The following RNF13 variants were observed in gnomAD, a reference collection of about 807,000 sequenced individuals.
RNF13 encodes the protein E3 ubiquitin-protein ligase RNF13.
In RNF13, 19 loss-of-function variants were observed where a neutral mutation model predicts 37.7. The ratio of observed to expected loss-of-function variants is 0.50; its 90% CI spans 0.35 to 0.74. The LOEUF (loss-of-function observed/expected upper bound fraction) is 0.74. Ranked by LOEUF, RNF13 falls within the 30% of genes least tolerant of loss-of-function variation. The pLI is 0.01. For missense variants in RNF13, 375 were observed against 453.0 expected (o/e 0.83, Z 1.56); for synonymous variants, 144 against 157.8 (o/e 0.91, Z 0.65).
At chr3:149,882,682 C>A (rs906296683) in intron 4 of RNF13, among the ~76,000 whole-genome samples, 1 of 152,126 alleles carries the variant, frequency 6.6e-6, no homozygotes, top group Non-Finnish European at 1.5e-5. Flanking sequence ...CTTACCTTTA[C>A]TAAGTGCAGG....
chr3:149,913,169 A>G (rs1460545933), intron 7 of RNF13, among the ~76,000 whole-genome samples: 1 of 152,070 alleles, frequency 6.6e-6, no homozygotes, highest in Non-Finnish European at 1.5e-5. Flanking sequence ...AAATTTACTT[A>G]TTTAGGCCTT....
chr3:149,846,170 G>T (rs1382620034), intron 2 of RNF13, 30 bp downstream of exon 2: 1 of 1,365,750 alleles, frequency 7.3e-7, no homozygotes, highest in South Asian at 1.2e-5. Context: ...TTCATGTCTA[G>T]AAACATCCCT....
intron 4 of RNF13, among the ~76,000 whole-genome samples, chr3:149,876,487 TG>T (rs1712709251): frequency 6.6e-6 from 1 of 152,186 alleles, no homozygotes; most frequent in African/African-American, 2.4e-5. Context: ...AAAACTTAAC[TG>T]GGATACAGAT....
chr3:149,871,123 C>T (rs1197405751), intron 3 of RNF13, among the ~76,000 whole-genome samples: 1 of 149,022 alleles, frequency 6.7e-6, no homozygotes, highest in African/African-American at 2.5e-5. Flanking sequence ...CTCACTGCAA[C>T]TTCCACCTCC....
intron 8 of RNF13, among the ~76,000 whole-genome samples, chr3:149,959,122 A>ATAAG (rs1299224398): frequency 6.6e-6 from 1 of 152,230 alleles, no homozygotes; most frequent in East Asian, 1.9e-4. Flanking sequence ...TAAAAGTTTT[A>ATAAG]TAAGTTTTTA....
chr3:149,841,792 G>A (rs1440201151), intron 1 of RNF13, among the ~76,000 whole-genome samples: 2 of 151,966 alleles, frequency 1.3e-5, no homozygotes, highest in Non-Finnish European at 2.9e-5. Flanking sequence ...ACCGTGCCTG[G>A]CTAATTTTTG....
At chr3:149,867,682 G>A (rs1711521497) in intron 3 of RNF13, among the ~76,000 whole-genome samples, 2 of 151,796 alleles carry the variant, frequency 1.3e-5, no homozygotes, top group African/African-American at 4.8e-5. Context: ...ATCTTTATAG[G>A]TGAAGTGGTT....
At chr3:149,948,406 T>C (rs1267201284) in intron 8 of RNF13, among the ~76,000 whole-genome samples, 2 of 152,220 alleles carry the variant, frequency 1.3e-5, no homozygotes, top group African/African-American at 4.8e-5. Context: ...TCATTGTTTT[T>C]TGTCTGTCTT....
At chr3:149,861,745 T>G (rs2108416492) in intron 3 of RNF13, among the ~76,000 whole-genome samples, 1 of 152,260 alleles carries the variant, frequency 6.6e-6, no homozygotes, top group Admixed American at 6.5e-5. Flanking sequence ...TAGTTAGCAA[T>G]AATGTATTAA....
chr3:149,828,764 A>G (rs1720743211), intron 1 of RNF13, among the ~76,000 whole-genome samples: 1 of 152,008 alleles, frequency 6.6e-6, no homozygotes. Context: ...TACGCCACTT[A>G]CCAATCTTTG....
At chr3:149,832,851 A>G (rs1721198762) in intron 1 of RNF13, among the ~76,000 whole-genome samples, 1 of 152,180 alleles carries the variant, frequency 6.6e-6, no homozygotes, top group African/African-American at 2.4e-5. Flanking sequence ...GAAAGCTTGC[A>G]CAGACCTATG....
intron 5 of RNF13, among the ~76,000 whole-genome samples, chr3:149,898,499 G>A (rs980662645): frequency 1.3e-5 from 2 of 152,102 alleles, no homozygotes; most frequent in African/African-American, 4.8e-5. Flanking sequence ...TTGAATCCCA[G>A]CTTTACCACC....
intron 7 of RNF13, among the ~76,000 whole-genome samples, chr3:149,916,518 A>AGCTT (rs1717526687): frequency 1.3e-5 from 2 of 152,288 alleles, no homozygotes; most frequent in South Asian, 4.1e-4. Context: ...GATGTTAAGT[A>AGCTT]GCTTACATTT....
At chr3:149,849,486 A>C (rs2108383281) in intron 2 of RNF13, among the ~76,000 whole-genome samples, 2 of 152,326 alleles carry the variant, frequency 1.3e-5, no homozygotes, top group Middle Eastern at 3.4e-3. Flanking sequence ...ATCAGAGTTG[A>C]AATCCAGCTC....
chr3:149,819,990 T>A (rs1980276), intron 1 of RNF13, among the ~76,000 whole-genome samples: 98,916 of 151,860 alleles, frequency 0.65, 32,757 homozygotes, highest in Non-Finnish European at 0.71. Context: ...AATTATTAAA[T>A]ATTAATAATT....
intron 7 of RNF13, among the ~76,000 whole-genome samples, chr3:149,914,541 G>C (rs915199327): frequency 5.3e-5 from 8 of 152,012 alleles, no homozygotes; most frequent in Non-Finnish European, 1.0e-4. Flanking sequence ...GGAAAACCAG[G>C]AGTACAAGTA....
intron 3 of RNF13, among the ~76,000 whole-genome samples, chr3:149,853,455 G>GGGGAGAGA (rs1460906997): frequency 8.5e-6 from 1 of 117,262 alleles, no homozygotes; most frequent in Non-Finnish European, 1.8e-5. Context: ...AGAGAGAGAG[G>GGGGAGAGA]GAGAGAGAGA....
At chr3:149,938,962 T>A in intron 8 of RNF13, 1 of 429,606 alleles carries the variant, frequency 2.3e-6, no homozygotes. Flanking sequence ...AAATGGAAAA[T>A]TTTTAACAAA....
rs146917884 is a variant in RNF13, at chr3:149,937,457, G to C, written c.700+16230G>C. ...ATTTTTCACTTTTTTGTGACACCAA[G>C]GATTGTCACAGCCTCAGTTTTGAGT... is the stretch of plus-strand genomic sequence containing the variant. On this transcript the variant is annotated intron_variant, in intron 8 of 9. Coordinates refer to ENST00000392894, the MANE Select transcript of RNF13 (RefSeq NM_183381.3). Among the ~76,000 whole-genome samples, 65 of 152,214 alleles carry C rather than the reference G, an allele frequency of 4.3e-4. No individual in the cohort carries two copies. The East Asian group carries it at 0.01, about 24-fold the overall frequency.
Sources: gnomAD v4.1 joint callset for allele counts (sites outside exome capture counted in the v4.1 genomes callset) on GRCh38, gnomAD v4.1.1 for gene constraint, MANE v1.5 for transcripts, NCBI Gene and HGNC (gene_info 2026-07-23, HGNC 2026-07-21) for gene names.